The following NPAS2 variants were observed in gnomAD, a reference collection of about 807,000 sequenced individuals.
NPAS2 encodes neuronal PAS domain-containing protein 2.
A neutral mutation model predicts 107.5 loss-of-function variants in NPAS2; 23 were observed. The observed-to-expected ratio is 0.21, with a 90% CI of 0.15 to 0.30. The LOEUF (loss-of-function observed/expected upper bound fraction) is 0.30, where lower values mean the gene tolerates loss of function less well. NPAS2 is among the 10% of genes least tolerant of loss of function. The pLI is 1.00. For missense variants in NPAS2, 756 were observed against 1,043.3 expected (o/e 0.72, Z 3.79); for synonymous variants, 403 against 417.5 (o/e 0.97, Z 0.42).
chr2:100,843,288 A>C (rs554606146), intron 1 of NPAS2, among the ~76,000 whole-genome samples: 17 of 151,822 alleles, frequency 1.1e-4, no homozygotes, highest in Non-Finnish European at 2.2e-4. Flanking sequence ...TGGGAATTTC[A>C]TACATTTTCT....
rs866886024 is a variant in NPAS2 at position 100,820,246 on chromosome 2, C to A, written c.-191C>A. 6.9e-6 allele frequency: 1 copy of A among 144,902 alleles called. No homozygotes were observed. The highest frequency in any genetic ancestry group is 1.5e-5 in the Non-Finnish European group (1 of 65,494). The allele number at this position is 144,902 out of a possible 1,614,324, so 9.0% of individuals were successfully genotyped here. The stretch of plus-strand genomic sequence containing the variant: ...GCCGCGGAGCCCGGAGACCCGCAGC[C>A]GCGGCGGCGGCGGCGGCGGCGGCAG... On this transcript the variant is annotated 5_prime_UTR_variant, in exon 1 of 21. Transcript: ENST00000335681. The surrounding 1 kb of genome is among the most constrained non-coding windows in gnomAD (Gnocchi z 5.6).
intron 1 of NPAS2, among the ~76,000 whole-genome samples, chr2:100,881,817 C>T (rs1433484284): frequency 1.3e-5 from 2 of 152,226 alleles, no homozygotes; most frequent in Admixed American, 6.5e-5. Context: ...GCGCAGAGGG[C>T]TTCACTCACT....
chr2:100,849,105 C>G (rs1328573581), intron 1 of NPAS2, among the ~76,000 whole-genome samples: 1 of 152,216 alleles, frequency 6.6e-6, no homozygotes. Context: ...AGTTGGTTGC[C>G]TTTCTCAAAG....
chr2:100,987,915 C>T, intron 16 of NPAS2, 164 bp from the exon 17 acceptor site: 1 of 742,430 alleles, frequency 1.3e-6, no homozygotes, highest in Non-Finnish European at 2.3e-6. Flanking sequence ...TGACACTGAG[C>T]TTGGGGCATC....
rs113666937 is a variant in NPAS2 at position 100,971,446 on chromosome 2, T to C, written c.1140+372T>C. Among the ~76,000 whole-genome samples the C allele has an allele frequency of 1.4e-3, 212 of 150,228 alleles. 1 individual carries two copies. The highest frequency in any genetic ancestry group is 4.9e-3 in the African/African-American group (200 of 40,752). ...CTCCACAGATAAGACACTGGGGGAG[T>C]TCCTCCCTCCCCGGCTGGGTTGTGG... On this transcript the variant is annotated intron_variant, in intron 12 of 20. Transcript: ENST00000335681.
intron 2 of NPAS2, among the ~76,000 whole-genome samples, chr2:100,922,900 C>T (rs894590282): frequency 2.0e-5 from 3 of 152,120 alleles, no homozygotes; most frequent in South Asian, 2.1e-4. Flanking sequence ...CCATTGAAGA[C>T]GAGAACAGAG....
intron 7 of NPAS2, among the ~76,000 whole-genome samples, chr2:100,955,307 T>G (rs1260451048): frequency 6.6e-6 from 1 of 152,172 alleles, no homozygotes; most frequent in East Asian, 1.9e-4. Flanking sequence ...GTATAAATAA[T>G]GGAATGGGAA....
Position 100,996,209 on chromosome 2 carries a change from C to A in NPAS2, c.*627C>A. 1 of 210,550 alleles carries A rather than the reference C, an allele frequency of 4.7e-6. No homozygotes were observed. Among genetic ancestry groups the A allele is most frequent in the Non-Finnish European group, 9.6e-6 (1 of 103,672 alleles). The allele number at this position is 210,550 out of a possible 1,614,324, so 13.0% of individuals were successfully genotyped here. On this transcript the variant is annotated 3_prime_UTR_variant, in exon 21 of 21. Coordinates refer to ENST00000335681, the MANE Select transcript of NPAS2 (RefSeq NM_002518.4). ...ATCAGAGAAGCTGGTTGTTATTAAC[C>A]AAGCTACAGATTCACACTTTCTGGC...
chr2:100,904,806 C>T lies in NPAS2; in HGVS notation c.32+20C>T, dbSNP rs553014258. The stretch of plus-strand genomic sequence containing the variant: ...CAAGAGGTAAGATGCAGCTGTCCCC[C>T]TGCTCAGCAGAGCTCTCTGGCCCCC... On this transcript the variant is annotated intron_variant, in intron 2 of 20. Coordinates refer to ENST00000335681, the MANE Select transcript of NPAS2 (RefSeq NM_002518.4). 176 of 1,591,806 alleles carry T rather than the reference C, an allele frequency of 1.1e-4. 1 individual carries two copies. The South Asian group carries it at 1.9e-3, about 18-fold the overall frequency.
At chr2:100,995,079 T>C in intron 20 of NPAS2, 1 of 325,226 alleles carries the variant, frequency 3.1e-6, no homozygotes. Flanking sequence ...TCCAAAAACA[T>C]TGTGGCTACA....
At chr2:100,848,609 C>T (rs1250734589) in intron 1 of NPAS2, among the ~76,000 whole-genome samples, 2 of 152,124 alleles carry the variant, frequency 1.3e-5, no homozygotes, top group African/African-American at 4.8e-5. Flanking sequence ...TACATACGTG[C>T]CATCATAGGT....
chr2:100,907,362 G>T (rs1573593764), intron 2 of NPAS2, among the ~76,000 whole-genome samples: 1 of 151,862 alleles, frequency 6.6e-6, no homozygotes, highest in Non-Finnish European at 1.5e-5. Context: ...GGAAATCTTT[G>T]CACAGAGACC....
intron 16 of NPAS2, chr2:100,985,901 T>C (rs1424512021): frequency 2.0e-5 from 3 of 152,246 alleles, no homozygotes; most frequent in Non-Finnish European, 2.9e-5. Flanking sequence ...AGGTAAATTA[T>C]ACTGCCTCTC....
chr2:100,971,205 G>A, intron 12 of NPAS2, 131 bp downstream of exon 12: 1 of 763,938 alleles, frequency 1.3e-6, no homozygotes, highest in Non-Finnish European at 2.1e-6. Flanking sequence ...AGGCTGAGGT[G>A]GGAGGATCCC....
At chr2:100,837,583 G>A (rs1464656614) in intron 1 of NPAS2, among the ~76,000 whole-genome samples, 5 of 152,120 alleles carry the variant, frequency 3.3e-5, no homozygotes, top group South Asian at 4.1e-4. Context: ...AAAATGCTGC[G>A]ATTACAGGCA....
At chr2:100,889,768 G>T (rs986283618) in intron 1 of NPAS2, among the ~76,000 whole-genome samples, 6 of 152,190 alleles carry the variant, frequency 3.9e-5, no homozygotes, top group African/African-American at 1.4e-4. Context: ...AGACAACTCA[G>T]ATTTTAAAAA....
intron 1 of NPAS2, among the ~76,000 whole-genome samples, chr2:100,886,475 T>C (rs1339405845): frequency 2.0e-5 from 3 of 152,180 alleles, no homozygotes; most frequent in Non-Finnish European, 2.9e-5. Context: ...AAATATGCCT[T>C]TGGAGTTGTT....
chr2:100,993,793 T>G, intron 20 of NPAS2: 1 of 378,594 alleles, frequency 2.6e-6, no homozygotes, highest in Non-Finnish European at 4.7e-6. Context: ...AAAAAGTAGT[T>G]TCTACTCAAG....
chr2:100,848,809 C>T (rs1561002), intron 1 of NPAS2, among the ~76,000 whole-genome samples: 119,538 of 152,256 alleles, frequency 0.79, 47,671 homozygotes, highest in African/African-American at 0.91. Flanking sequence ...AAGACTCTCT[C>T]TACGTAATTT....
Sources: gnomAD v4.1 joint callset for allele counts (sites outside exome capture counted in the v4.1 genomes callset) on GRCh38, gnomAD v4.1.1 for gene constraint, Gnocchi (gnomAD v3.1) non-coding constraint, MANE v1.5 for transcripts, NCBI Gene and HGNC (gene_info 2026-07-23, HGNC 2026-07-21) for gene names.